NOVA1: variants seen among roughly 807,000 people sequenced by gnomAD.
NOVA1 encodes NOVA alternative splicing regulator 1.
A neutral mutation model predicts 38.0 loss-of-function variants in NOVA1; 7 were observed. The ratio of observed to expected loss-of-function variants is 0.18; its 90% CI spans 0.10 to 0.35. NOVA1 has a LOEUF of 0.35. NOVA1 is among the 10% of genes least tolerant of loss of function. The pLI is 1.00. For synonymous variants in NOVA1, 270 were observed against 232.5 expected, an observed-to-expected ratio of 1.16 and a Z score of -1.47; for missense variants, 460 against 616.0, an observed-to-expected ratio of 0.75 and a Z score of 2.68.
chr14:26,544,557 A>G (rs140415621), intron 2 of NOVA1, among the ~76,000 whole-genome samples: 18 of 152,132 alleles, frequency 1.2e-4, no homozygotes, highest in African/African-American at 4.3e-4. Flanking sequence ...ACCCTCTTTG[A>G]GCAAGGTTGA....
intron 2 of NOVA1, among the ~76,000 whole-genome samples, chr14:26,484,328 C>G (rs1885701368): frequency 6.9e-6 from 1 of 145,736 alleles, no homozygotes; most frequent in African/African-American, 2.5e-5. Context: ...CCCAGCTACT[C>G]AGGAGGCTGA....
intron 4 of NOVA1, among the ~76,000 whole-genome samples, chr14:26,467,828 C>T (rs1884265123): frequency 6.6e-6 from 1 of 152,114 alleles, no homozygotes; most frequent in African/African-American, 2.4e-5. Flanking sequence ...CTTTTGATTG[C>T]TTCAATCTTC....
intron 4 of NOVA1, among the ~76,000 whole-genome samples, chr14:26,458,926 A>G (rs1373259123): frequency 6.6e-6 from 1 of 152,164 alleles, no homozygotes; most frequent in African/African-American, 2.4e-5. Flanking sequence ...AAAGAGCCAA[A>G]AAGTAAAAAC....
Position 26,444,266 on chromosome 14 carries a change from T to A in NOVA1, c.*3693A>T, listed in dbSNP as rs906836118. The A allele has an allele frequency of 6.6e-6, 1 of 152,126 alleles. No individual in the cohort carries two copies. Among genetic ancestry groups the A allele is most frequent in the African/African-American group, 2.4e-5 (1 of 41,438 alleles). 9.4% of individuals were successfully genotyped at this position (152,126 alleles called of 1,614,324 possible). On this transcript the variant is annotated 3_prime_UTR_variant, in exon 5 of 5. Transcript: ENST00000539517. ...TTTTCCAATAAAAAAATAAATCTCA[T>A]ACATTAGAAGTGGTACACAAAAAAC...
intron 2 of NOVA1, among the ~76,000 whole-genome samples, chr14:26,498,728 G>C (rs1437810304): frequency 6.6e-6 from 1 of 152,052 alleles, no homozygotes; most frequent in Non-Finnish European, 1.5e-5. Context: ...TTATTTCTGA[G>C]GGAGACCTAC....
chr14:26,577,748 A>C (rs1241286955), intron 2 of NOVA1, among the ~76,000 whole-genome samples: 2 of 152,166 alleles, frequency 1.3e-5, no homozygotes, highest in African/African-American at 4.8e-5. Context: ...GACTGAGAGA[A>C]GTTGATCTGA....
intron 2 of NOVA1, among the ~76,000 whole-genome samples, chr14:26,567,098 G>C (rs1014092287): frequency 6.6e-6 from 1 of 151,808 alleles, no homozygotes; most frequent in Non-Finnish European, 1.5e-5. Context: ...CCTAAAAACT[G>C]TGCAAAATGA....
chr14:26,545,383 G>C (rs1890726762), intron 2 of NOVA1, among the ~76,000 whole-genome samples: 1 of 152,126 alleles, frequency 6.6e-6, no homozygotes, highest in South Asian at 2.1e-4. Context: ...AAAGTAAGTA[G>C]TTTAAAAGAA....
intron 4 of NOVA1, among the ~76,000 whole-genome samples, chr14:26,451,654 C>T (rs752287438): frequency 3.3e-5 from 5 of 152,036 alleles, no homozygotes; most frequent in Admixed American, 2.0e-4. Context: ...ATTACAACCA[C>T]GCCCGGCCAA....
chr14:26,592,777 A>T (rs989882362), intron 2 of NOVA1: 6 of 151,738 alleles, frequency 4.0e-5, no homozygotes, highest in South Asian at 4.1e-4. Context: ...ATTGGCTATA[A>T]TTTCTTTAAA....
At chr14:26,464,836 G>T (rs1311049811) in intron 4 of NOVA1, among the ~76,000 whole-genome samples, 1 of 152,008 alleles carries the variant, frequency 6.6e-6, no homozygotes, top group East Asian at 1.9e-4. Flanking sequence ...TCCATTAAGG[G>T]AGTGTTTCAG....
chr14:26,480,202 G>T, intron 2 of NOVA1, 59 bp from the exon 3 acceptor site: 1 of 1,465,992 alleles, frequency 6.8e-7, no homozygotes. Context: ...AAAAAATTAT[G>T]AAAAAGGATG....
intron 2 of NOVA1, among the ~76,000 whole-genome samples, 179 bp from the exon 3 acceptor site, chr14:26,480,322 G>A (rs1459367992): frequency 2.0e-5 from 3 of 151,988 alleles, no homozygotes; most frequent in African/African-American, 7.3e-5. Context: ...TATAAATTCC[G>A]TTCTAGTTGT....
In NOVA1 at chr14:26,597,454, C is replaced by T; in HGVS notation, c.-18G>A. On this transcript the variant is annotated 5_prime_UTR_variant, in exon 1 of 5. Coordinates refer to ENST00000539517, the MANE Select transcript of NOVA1 (RefSeq NM_002515.3). Reference sequence around the variant, plus strand: ...GCCATCATGTTTGCAGTTCCTGCCGCTGCTACCGGGAGAAGGTTCTCCCTT... The same window carrying T: ...GCCATCATGTTTGCAGTTCCTGCCGTTGCTACCGGGAGAAGGTTCTCCCTT... 1 of 1,280,976 alleles carries T rather than the reference C, an allele frequency of 7.8e-7. No homozygotes were observed. The highest frequency in any genetic ancestry group is 9.9e-7 in the Non-Finnish European group (1 of 1,008,168). The allele number at this position is 1,280,976 out of a possible 1,614,324, so 79.4% of individuals were successfully genotyped here.
intron 2 of NOVA1, among the ~76,000 whole-genome samples, chr14:26,509,538 A>G (rs1415282466): frequency 6.6e-6 from 1 of 152,226 alleles, no homozygotes; most frequent in South Asian, 2.1e-4. Context: ...GCAAGACAGA[A>G]GAGAGATTTT....
rs575090365 is a variant in NOVA1, at chr14:26,456,951, A to G, written c.520-7988T>C. Among the ~76,000 whole-genome samples, 5 of 148,830 alleles carry G rather than the reference A, an allele frequency of 3.4e-5. No homozygotes were observed. The South Asian group carries it at 1.1e-3, about 31-fold the overall frequency. ...AAGTTGAATGTATATATATACACAC[A>G]CACACAAATATATACACACACACAC... is the stretch of plus-strand genomic sequence containing the variant. On this transcript the variant is annotated intron_variant, in intron 4 of 4. Coordinates refer to ENST00000539517, the MANE Select transcript of NOVA1 (RefSeq NM_002515.3).
At chr14:26,577,573 C>G (rs1892939397) in intron 2 of NOVA1, among the ~76,000 whole-genome samples, 1 of 152,046 alleles carries the variant, frequency 6.6e-6, no homozygotes, top group Non-Finnish European at 1.5e-5. Context: ...CTGTTATCTT[C>G]TTTTGGCTTG....
chr14:26,497,711 T>C (rs1226188663), intron 2 of NOVA1, among the ~76,000 whole-genome samples: 1 of 152,196 alleles, frequency 6.6e-6, no homozygotes, highest in African/African-American at 2.4e-5. Flanking sequence ...TAATTATGCA[T>C]GGAAAAAGAT....
At chr14:26,481,114 G>A (rs547090426) in intron 2 of NOVA1, among the ~76,000 whole-genome samples, 304 of 152,066 alleles carry the variant, frequency 2.0e-3, no homozygotes, top group Non-Finnish European at 3.0e-3. Flanking sequence ...GTATTCCACT[G>A]TAATCTTCTC....
Sources: allele counts gnomAD v4.1 joint callset (sites outside exome capture counted in the v4.1 genomes callset), GRCh38; gene constraint gnomAD v4.1.1; transcripts MANE v1.5; gene names NCBI Gene and HGNC (gene_info 2026-07-23, HGNC 2026-07-21).